Variants in SWT1 observed in about 807,000 individuals in gnomAD.
SWT1 encodes the protein SWT1 RNA endoribonuclease homolog, also known as transcriptional protein SWT1.
SWT1 carries 33 observed loss-of-function variants against 107.3 expected under a neutral mutation model. The observed-to-expected ratio is 0.31, with a 90% CI of 0.23 to 0.41. The LOEUF is 0.41. Among genes scored for constraint, SWT1 ranks in the 10% least tolerant of loss-of-function variants. The pLI, the probability that SWT1 is intolerant of heterozygous loss-of-function variation, is 1.00. For missense variants in SWT1, 898 were observed against 1,028.9 expected (o/e 0.87, Z 1.74); for synonymous variants, 345 against 348.3 (o/e 0.99, Z 0.11).
At chr1:185,216,100 C>T (rs1011287272) in intron 14 of SWT1, among the ~76,000 whole-genome samples, 2 of 151,760 alleles carry the variant, frequency 1.3e-5, no homozygotes, top group African/African-American at 2.4e-5. Context: ...AAAGCACTTC[C>T]TTGCTAAGAG....
chr1:185,263,294 A>G (rs1441766512), intron 16 of SWT1: 1 of 152,170 alleles, frequency 6.6e-6, no homozygotes, highest in African/African-American at 2.4e-5. Context: ...CAAAAAAAAA[A>G]GTGCTGGATT....
At chr1:185,170,355 T>C (rs576067502) in intron 4 of SWT1, among the ~76,000 whole-genome samples, 2 of 152,300 alleles carry the variant, frequency 1.3e-5, no homozygotes, top group East Asian at 3.9e-4. Context: ...CCCCCTCTGG[T>C]GGTTCTCTAG....
chr1:185,274,291 A>G (rs1291113722), intron 17 of SWT1, among the ~76,000 whole-genome samples: 2 of 148,074 alleles, frequency 1.4e-5, no homozygotes, highest in African/African-American at 2.5e-5. Context: ...TTATATATAG[A>G]TGTCAGATAT....
At chr1:185,265,033 AT>A (rs1558088285) in intron 16 of SWT1, among the ~76,000 whole-genome samples, 2 of 152,162 alleles carry the variant, frequency 1.3e-5, no homozygotes, top group Non-Finnish European at 2.9e-5. Flanking sequence ...AACTCTTCCT[AT>A]TCCCACCACC....
intron 15 of SWT1, among the ~76,000 whole-genome samples, chr1:185,223,066 A>G (rs1170287381): frequency 2.0e-5 from 3 of 152,204 alleles, no homozygotes; most frequent in East Asian, 1.9e-4. Context: ...ATGTATACCC[A>G]GTAATGGGAT....
At chr1:185,242,284 C>T (rs918279767) in intron 16 of SWT1, among the ~76,000 whole-genome samples, 14 of 152,166 alleles carry the variant, frequency 9.2e-5, no homozygotes, top group East Asian at 5.8e-4. Flanking sequence ...TGATAAAATA[C>T]GTGGCATTCA....
intron 17 of SWT1, among the ~76,000 whole-genome samples, chr1:185,272,897 A>C (rs1025708127): frequency 2.6e-5 from 4 of 151,876 alleles, no homozygotes; most frequent in African/African-American, 9.7e-5. Context: ...ATTAGCCGGC[A>C]TGGTGGCATG....
intron 16 of SWT1, among the ~76,000 whole-genome samples, chr1:185,267,819 G>A (rs1215196513): frequency 6.6e-6 from 1 of 152,038 alleles, no homozygotes; most frequent in East Asian, 1.9e-4. Context: ...GTGATTTTAG[G>A]ACTTTCATTC....
chr1:185,159,717 A>T (rs892792588), intron 1 of SWT1, among the ~76,000 whole-genome samples: 3 of 151,910 alleles, frequency 2.0e-5, no homozygotes, highest in Non-Finnish European at 4.4e-5. Context: ...GTATTTTAAT[A>T]TTTTTTTATA....
intron 3 of SWT1, among the ~76,000 whole-genome samples, chr1:185,167,109 T>A (rs1032038692): frequency 6.6e-6 from 1 of 152,196 alleles, no homozygotes; most frequent in Non-Finnish European, 1.5e-5. Context: ...GGTTTTACCT[T>A]GTTGACCAGG....
At chr1:185,163,687 C>T (rs1037225953) in intron 2 of SWT1, among the ~76,000 whole-genome samples, 6 of 152,194 alleles carry the variant, frequency 3.9e-5, no homozygotes, top group Non-Finnish European at 7.4e-5. Flanking sequence ...AGCCACCGCA[C>T]CCAGCCCCCA....
intron 13 of SWT1, among the ~76,000 whole-genome samples, chr1:185,212,072 G>A (rs1367315101): frequency 6.6e-6 from 1 of 151,756 alleles, no homozygotes; most frequent in Non-Finnish European, 1.5e-5. Context: ...GGGGGGAGTG[G>A]GGAGGGACAG....
intron 12 of SWT1, among the ~76,000 whole-genome samples, chr1:185,205,943 T>C (rs1658298906): frequency 6.6e-6 from 1 of 152,148 alleles, no homozygotes; most frequent in Admixed American, 6.6e-5. Context: ...TGCAAGAGTG[T>C]AACAAGTGAC....
At chr1:185,203,972 A>C (rs1377567444) in intron 11 of SWT1, among the ~76,000 whole-genome samples, 1 of 152,206 alleles carries the variant, frequency 6.6e-6, no homozygotes, top group African/African-American at 2.4e-5. Flanking sequence ...CTTTGTAGAG[A>C]TAAGCCACTT....
At chr1:185,214,478 A>T in intron 13 of SWT1, 29 bp from the exon 14 acceptor site, 17 of 1,562,794 alleles carry the variant, frequency 1.1e-5, no homozygotes, top group Non-Finnish European at 1.5e-5. Flanking sequence ...ATTCTTCCAT[A>T]TTTTTCTGTC....
intron 16 of SWT1, among the ~76,000 whole-genome samples, chr1:185,264,802 C>G (rs534260834): frequency 1.3e-5 from 2 of 152,224 alleles, no homozygotes; most frequent in African/African-American, 4.8e-5. Flanking sequence ...AGATAAAAGA[C>G]AGGATTAGTT....
chr1:185,181,926 T>C lies in SWT1; in HGVS notation c.1027-20T>C, dbSNP rs183066499. The stretch of plus-strand genomic sequence containing the variant: ...TGCAAAGTAACTCAAAATATTTCAC[T>C]GGGGTCTTTTACACTTTAGATGCAG... On this transcript the variant is annotated intron_variant, in intron 6 of 18. Transcript: ENST00000367500. 198 of 1,613,104 alleles carry C rather than the reference T, an allele frequency of 1.2e-4. No homozygotes were observed. In the African/African-American group the frequency reaches 2.4e-3, roughly 19 times the overall value.
intron 4 of SWT1, among the ~76,000 whole-genome samples, chr1:185,173,079 A>T (rs962965343): frequency 2.7e-5 from 4 of 149,110 alleles, no homozygotes; most frequent in African/African-American, 7.4e-5. Flanking sequence ...ATGGTATGTT[A>T]TTGTTATTAT....
At chr1:185,225,325 G>T (rs1012218164) in intron 15 of SWT1, among the ~76,000 whole-genome samples, 1 of 152,124 alleles carries the variant, frequency 6.6e-6, no homozygotes, top group Non-Finnish European at 1.5e-5. Context: ...CTAGTATCTT[G>T]TTGAGAATTT....
Sources: allele counts gnomAD v4.1 joint callset (sites outside exome capture counted in the v4.1 genomes callset), GRCh38; gene constraint gnomAD v4.1.1; transcripts MANE v1.5; gene names NCBI Gene and HGNC (gene_info 2026-07-23, HGNC 2026-07-21).